LIMA1: variants seen among roughly 807,000 people sequenced by gnomAD.
LIMA1 encodes the protein LIM domain and actin-binding protein 1.
LIMA1 carries 52 observed loss-of-function variants against 62.6 expected under a neutral mutation model. The ratio of observed to expected loss-of-function variants is 0.83; its 90% CI spans 0.67 to 1.05. The LOEUF (loss-of-function observed/expected upper bound fraction) is 1.05, where lower values mean the gene tolerates loss of function less well. Ranked by LOEUF, LIMA1 falls within the 50% of genes least tolerant of loss-of-function variation. LIMA1 has a pLI of 0.00. For synonymous variants in LIMA1, 302 were observed against 317.8 expected (o/e 0.95, Z 0.53); for missense variants, 780 against 902.2 (o/e 0.86, Z 1.74).
At chr12:50,276,338 T>C (rs1226421442) in intron 1 of LIMA1, among the ~76,000 whole-genome samples, 1 of 152,140 alleles carries the variant, frequency 6.6e-6, no homozygotes, top group Non-Finnish European at 1.5e-5. Flanking sequence ...CGCAGATGCA[T>C]GGCGTACAGG....
chr12:50,275,122 T>G (rs1249005090), intron 1 of LIMA1, among the ~76,000 whole-genome samples: 3 of 151,998 alleles, frequency 2.0e-5, no homozygotes, highest in African/African-American at 7.2e-5. Flanking sequence ...TTTGGGAAGC[T>G]GAGGTGGGCA....
At chr12:50,257,456 C>T (rs946138120) in intron 1 of LIMA1, among the ~76,000 whole-genome samples, 29 of 152,338 alleles carry the variant, frequency 1.9e-4, no homozygotes, top group African/African-American at 6.3e-4. Context: ...CAAATTGCAT[C>T]TGCCACCCAG....
chr12:50,212,225 T>G (rs1385253904), intron 4 of LIMA1, among the ~76,000 whole-genome samples: 1 of 152,216 alleles, frequency 6.6e-6, no homozygotes, highest in Non-Finnish European at 1.5e-5. Context: ...AAAATTATCT[T>G]TAAAAGCTGA....
intron 3 of LIMA1, among the ~76,000 whole-genome samples, chr12:50,229,156 T>C (rs1278280811): frequency 6.6e-6 from 1 of 152,220 alleles, no homozygotes; most frequent in Non-Finnish European, 1.5e-5. Flanking sequence ...TGTCTCTTAA[T>C]TGGTCTCCAT....
At chr12:50,243,348 T>C (rs1418620379) in intron 2 of LIMA1, among the ~76,000 whole-genome samples, 5 of 152,222 alleles carry the variant, frequency 3.3e-5, no homozygotes, top group Non-Finnish European at 7.3e-5. Context: ...TAGCTAGGCT[T>C]GTATAGGACT....
intron 2 of LIMA1, among the ~76,000 whole-genome samples, chr12:50,241,341 C>T (rs1941773572): frequency 6.6e-6 from 1 of 152,104 alleles, no homozygotes; most frequent in Non-Finnish European, 1.5e-5. Flanking sequence ...AGCAATAATA[C>T]AATATATGAA....
intron 1 of LIMA1, among the ~76,000 whole-genome samples, chr12:50,269,915 CG>C (rs1942183907): frequency 8.1e-6 from 1 of 123,690 alleles, no homozygotes; most frequent in African/African-American, 3.5e-5. Flanking sequence ...AGCAAAACTC[CG>C]TCAAATAAAA....
At chr12:50,194,149 G>A (rs1283772485) in intron 8 of LIMA1, among the ~76,000 whole-genome samples, 2 of 149,406 alleles carry the variant, frequency 1.3e-5, no homozygotes, top group East Asian at 2.0e-4. Context: ...CACCACATCC[G>A]GCTAACTTTT....
chr12:50,204,585 A>T lies in LIMA1; in HGVS notation c.831T>A (p.Ala277=). The change falls in exon 6 of 11, where the codon GCT becomes GCA. Residue 277 remains alanine, a synonymous_variant. Transcript: ENST00000341247. The stretch of plus-strand genomic sequence containing the variant: ...TGGTTGAGCTGCTTTGTTTGGACAC[A>T]GCTGCCTGGTACTTGGCCATTCGAT... The part of the protein sequence containing the change: ...IKDRMAKYQA[A]VSKQSSSTNY... 1 of 1,614,216 alleles carries T rather than the reference A, an allele frequency of 6.2e-7. No individual in the cohort carries two copies. Among genetic ancestry groups the T allele is most frequent in the East Asian group, 2.2e-5 (1 of 44,892 alleles).
chr12:50,253,326 A>G (rs571123848), intron 1 of LIMA1, among the ~76,000 whole-genome samples: 2 of 152,358 alleles, frequency 1.3e-5, no homozygotes, highest in South Asian at 2.1e-4. Flanking sequence ...AATCCTCACA[A>G]TCATTCTACA....
At chr12:50,185,556 A>G (rs1438018178) in intron 9 of LIMA1, 2 of 437,408 alleles carry the variant, frequency 4.6e-6, no homozygotes, top group Non-Finnish European at 9.2e-6. Context: ...CAAGAATAAG[A>G]CCACATTTTT....
rs10082896 is a variant in LIMA1, at chr12:50,271,941, T to C, written c.-24+11479A>G. 2.0e-3 allele frequency among the ~76,000 whole-genome samples: 298 copies of C among 152,254 alleles called. 1 individual carries two copies. Among genetic ancestry groups the C allele is most frequent in the African/African-American group, 6.5e-3 (269 of 41,568 alleles). The stretch of plus-strand genomic sequence containing the variant: ...AATTACATGCTTAATTAAGGCAAAA[T>C]AGTTCATTAAGGAGCCTTCTTTACA... On this transcript the variant is annotated intron_variant, in intron 1 of 10. Transcript: ENST00000341247.
At chr12:50,281,197 G>A (rs572002637) in intron 1 of LIMA1, among the ~76,000 whole-genome samples, 26 of 151,922 alleles carry the variant, frequency 1.7e-4, no homozygotes, top group Non-Finnish European at 3.1e-4. Context: ...TTGGTACGAG[G>A]GCTCTAAGTT....
chr12:50,269,422 T>A (rs1453696108), intron 1 of LIMA1, among the ~76,000 whole-genome samples: 2 of 152,066 alleles, frequency 1.3e-5, no homozygotes, highest in African/African-American at 4.8e-5. Flanking sequence ...GCACGGAAAA[T>A]AAACCAGAAA....
At chr12:50,195,017 C>T (rs961114197) in intron 8 of LIMA1, among the ~76,000 whole-genome samples, 1 of 151,996 alleles carries the variant, frequency 6.6e-6, no homozygotes, top group African/African-American at 2.4e-5. Context: ...CACTGCACTC[C>T]AACCTGGGTG....
At chr12:50,240,414 G>C (rs1941760594) in intron 2 of LIMA1, among the ~76,000 whole-genome samples, 1 of 152,150 alleles carries the variant, frequency 6.6e-6, no homozygotes, top group Non-Finnish European at 1.5e-5. Flanking sequence ...GGACTGGAGG[G>C]GCTGAGAATG....
intron 9 of LIMA1, chr12:50,188,233 T>C (rs1940674238): frequency 6.6e-6 from 1 of 152,162 alleles, no homozygotes; most frequent in African/African-American, 2.4e-5. Flanking sequence ...GATCCAAAAA[T>C]CTATTCTGAG....
At chr12:50,238,987 T>A (rs1476811669) in intron 2 of LIMA1, among the ~76,000 whole-genome samples, 2 of 152,316 alleles carry the variant, frequency 1.3e-5, no homozygotes, top group East Asian at 3.9e-4. Flanking sequence ...TGATACATAC[T>A]ATTCTGCTTC....
chr12:50,206,785 T>C (rs1941161702), intron 4 of LIMA1, among the ~76,000 whole-genome samples: 1 of 152,074 alleles, frequency 6.6e-6, no homozygotes, highest in Non-Finnish European at 1.5e-5. Flanking sequence ...CAACATAAAT[T>C]TAGGTAATCT....
Sources: gnomAD v4.1 joint callset for allele counts (sites outside exome capture counted in the v4.1 genomes callset) on GRCh38, gnomAD v4.1.1 for gene constraint, MANE v1.5 for transcripts, NCBI Gene and HGNC (gene_info 2026-07-23, HGNC 2026-07-21) for gene names.